The following DLGAP2 variants were observed in gnomAD, a reference collection of about 807,000 sequenced individuals.
The protein encoded by DLGAP2 is disks large-associated protein 2.
In DLGAP2, 26 loss-of-function variants were observed where a neutral mutation model predicts 100.3. That is an observed-to-expected ratio of 0.26 (90% CI 0.19 to 0.36). The LOEUF (loss-of-function observed/expected upper bound fraction) is 0.36. Among genes scored for constraint, DLGAP2 ranks in the 10% least tolerant of loss-of-function variants. DLGAP2 has a pLI of 1.00. For missense variants in DLGAP2, 1,858 were observed against 1,453.2 expected (o/e 1.28, Z -4.53); for synonymous variants, 886 against 630.1 (o/e 1.41, Z -6.08).
chr8:1,462,752 C>T (rs1009222084), intron 3 of DLGAP2, among the ~76,000 whole-genome samples: 18 of 152,198 alleles, frequency 1.2e-4, no homozygotes, highest in Admixed American at 2.0e-4. Context: ...CACGTCCCCC[C>T]GCAGAGGCCA....
At position 1,001,450 on chromosome 8, in the gene DLGAP2, A is replaced by G. The variant is rs374575247; in HGVS notation, c.73+93484A>G. ...TTATAATCTCTCAAACTTTTCATCT[A>G]GAAAATGTTTTTGTGTCCTGATACT... On this transcript the variant is annotated intron_variant, in intron 2 of 14. Transcript: ENST00000637795. Among the ~76,000 whole-genome samples the G allele has an allele frequency of 2.1e-3, 319 of 152,348 alleles. 2 individuals carry two copies. Among genetic ancestry groups the G allele is most frequent in the African/African-American group, 7.5e-3 (310 of 41,584 alleles).
At chr8:1,193,506 C>T (rs1193920040) in intron 2 of DLGAP2, among the ~76,000 whole-genome samples, 1 of 152,156 alleles carries the variant, frequency 6.6e-6, no homozygotes, top group Admixed American at 6.5e-5. Flanking sequence ...CACTTAGCAC[C>T]ATGCGTTCAG....
intron 3 of DLGAP2, among the ~76,000 whole-genome samples, chr8:1,330,811 T>G: frequency 1.5e-5 from 2 of 129,440 alleles, no homozygotes; most frequent in African/African-American, 3.2e-5. Context: ...GGGACCGAGT[T>G]CTGGGTGGGA....
At chr8:931,345 G>A (rs759292988) in intron 2 of DLGAP2, among the ~76,000 whole-genome samples, 1 of 152,228 alleles carries the variant, frequency 6.6e-6, no homozygotes, top group Non-Finnish European at 1.5e-5. Flanking sequence ...TGGCAGGGGC[G>A]TTTCACGCGA....
At chr8:1,543,956 G>A (rs1563211191) in intron 4 of DLGAP2, among the ~76,000 whole-genome samples, 1 of 151,770 alleles carries the variant, frequency 6.6e-6, no homozygotes, top group Non-Finnish European at 1.5e-5. Context: ...AGGCTGGAGT[G>A]CAGTGATGCA....
At chr8:988,719 GC>G (rs1467381450) in intron 2 of DLGAP2, among the ~76,000 whole-genome samples, 1 of 152,048 alleles carries the variant, frequency 6.6e-6, no homozygotes, top group African/African-American at 2.4e-5. Flanking sequence ...CTGTCCACCT[GC>G]CCTCTGGTTC....
At chr8:1,108,700 T>C (rs1804856598) in intron 2 of DLGAP2, among the ~76,000 whole-genome samples, 1 of 141,048 alleles carries the variant, frequency 7.1e-6, no homozygotes, top group Admixed American at 7.0e-5. Flanking sequence ...TGCATGGGTC[T>C]GTGAGGTGTG....
At chr8:1,553,084 C>T (rs1056511800) in intron 5 of DLGAP2, among the ~76,000 whole-genome samples, 1 of 152,176 alleles carries the variant, frequency 6.6e-6, no homozygotes, top group African/African-American at 2.4e-5. Flanking sequence ...GAGACGCCGC[C>T]TCCCCGGGAA....
At chr8:1,511,562 G>A (rs921974467) in intron 4 of DLGAP2, among the ~76,000 whole-genome samples, 1 of 150,712 alleles carries the variant, frequency 6.6e-6, no homozygotes, top group African/African-American at 2.4e-5. Context: ...GGACGTAAGT[G>A]CTGTCTAGTG....
intron 8 of DLGAP2, among the ~76,000 whole-genome samples, chr8:1,647,933 T>C (rs1199294447): frequency 6.6e-6 from 1 of 152,118 alleles, no homozygotes; most frequent in Non-Finnish European, 1.5e-5. Flanking sequence ...TTCCCTAGGA[T>C]CCCTTTATAA....
chr8:1,165,106 C>T (rs532850660), intron 2 of DLGAP2, among the ~76,000 whole-genome samples: 1 of 150,668 alleles, frequency 6.6e-6, no homozygotes, highest in South Asian at 2.1e-4. Context: ...CCTCTCAGGC[C>T]CTGCACTTCT....
intron 2 of DLGAP2, among the ~76,000 whole-genome samples, chr8:1,166,132 C>T (rs182741110): frequency 6.6e-6 from 1 of 152,234 alleles, no homozygotes; most frequent in Admixed American, 6.5e-5. Context: ...GCCAGGGCAT[C>T]AGCCCTGTCC....
chr8:1,259,702 C>G (rs1238287168), intron 3 of DLGAP2: 1 of 152,142 alleles, frequency 6.6e-6, no homozygotes, highest in Non-Finnish European at 1.5e-5. Context: ...CAACGTGTGA[C>G]TCTAAAAGCC....
At chr8:1,655,004 G>A (rs186607116) in intron 8 of DLGAP2, among the ~76,000 whole-genome samples, 13 of 152,304 alleles carry the variant, frequency 8.5e-5, no homozygotes, top group East Asian at 5.8e-4. Flanking sequence ...GAAGTGTCTC[G>A]AACAGCAGAG....
Position 1,657,286 on chromosome 8 carries a change from A to C in DLGAP2, c.1811-11043A>C, listed in dbSNP as rs763648097. Among the ~76,000 whole-genome samples, 124 of 152,236 alleles carry C rather than the reference A, an allele frequency of 8.1e-4. 2 individuals carry two copies. Among genetic ancestry groups the C allele is most frequent in the Non-Finnish European group, 1.2e-4 (8 of 68,044 alleles). ...AGACTAGAATTACATTGCTAAATTA[A>C]ATTTTGAATTTTCAAATACATTTAA... On this transcript the variant is annotated intron_variant, in intron 8 of 14. Transcript: ENST00000637795.
At position 1,318,792 on chromosome 8, in the gene DLGAP2, C is replaced by A. The variant is rs370721669; in HGVS notation, c.106+59909C>A. ...GTCAGTGATCAGCCCCCCCCCCGCC[C>A]CCTCGCCCATCCTTGGGGCCTCCAA... On this transcript the variant is annotated intron_variant, in intron 3 of 14. Coordinates refer to ENST00000637795, the MANE Select transcript of DLGAP2 (RefSeq NM_001346810.2). Among the ~76,000 whole-genome samples the A allele has an allele frequency of 3.6e-3, 488 of 137,092 alleles. 3 individuals are homozygous for A. The highest frequency in any genetic ancestry group is 6.8e-3 in the South Asian group (26 of 3,846). 89.9% of individuals were successfully genotyped at this position (137,092 alleles called of 152,430 possible). A position where few individuals can be genotyped will look rare whatever the true frequency, so the allele number is the denominator to read the frequency against.
At chr8:841,891 G>A (rs756711820) in intron 1 of DLGAP2, among the ~76,000 whole-genome samples, 3 of 151,988 alleles carry the variant, frequency 2.0e-5, no homozygotes, top group African/African-American at 4.8e-5. Context: ...CCTGATTCTC[G>A]AGAGCACAGG....
intron 7 of DLGAP2, among the ~76,000 whole-genome samples, chr8:1,632,476 G>C (rs960717086): frequency 6.6e-6 from 1 of 152,180 alleles, no homozygotes. Flanking sequence ...AGGGAAGGAA[G>C]AAATGGATTC....
intron 2 of DLGAP2, among the ~76,000 whole-genome samples, chr8:1,010,172 C>G (rs1584971106): frequency 6.6e-6 from 1 of 152,198 alleles, no homozygotes; most frequent in Non-Finnish European, 1.5e-5. Flanking sequence ...TATGCACACA[C>G]AGACACATGC....
Sources: allele counts gnomAD v4.1 joint callset (sites outside exome capture counted in the v4.1 genomes callset), GRCh38; gene constraint gnomAD v4.1.1; transcripts MANE v1.5; gene names NCBI Gene and HGNC (gene_info 2026-07-23, HGNC 2026-07-21).